Variants in FAM91A1 observed in about 807,000 individuals in gnomAD.
The protein encoded by FAM91A1 is protein FAM91A1.
Under a neutral mutation model 113.5 loss-of-function variants are expected in FAM91A1, and 41 were observed. The ratio of observed to expected loss-of-function variants is 0.36; its 90% CI spans 0.28 to 0.47. FAM91A1 has a LOEUF of 0.47. FAM91A1 is among the 20% of genes least tolerant of loss of function. FAM91A1 has a pLI of 1.00. For missense variants in FAM91A1, 696 were observed against 1,001.2 expected (o/e 0.70, Z 4.11); for synonymous variants, 307 against 347.9 (o/e 0.88, Z 1.31).
intron 22 of FAM91A1, 24 bp from the exon 23 acceptor site, chr8:123,810,256 CTG>C: frequency 6.3e-7 from 1 of 1,583,070 alleles, no homozygotes; most frequent in South Asian, 1.2e-5. Flanking sequence ...TTGTTTTAAA[CTG>C]TTTCTCGCCT....
At chr8:123,777,086 A>G (rs868071094) in intron 3 of FAM91A1, among the ~76,000 whole-genome samples, 179 bp from the exon 4 acceptor site, 26 of 152,310 alleles carry the variant, frequency 1.7e-4, no homozygotes, top group African/African-American at 5.3e-4. Flanking sequence ...TTTAATTACT[A>G]GGTTGGGAAC....
Position 123,768,508 on chromosome 8 carries a change from C to G in FAM91A1, c.-195C>G. 1 of 514,472 alleles carries G rather than the reference C, an allele frequency of 1.9e-6. No individual in the cohort carries two copies. Among genetic ancestry groups the G allele is most frequent in the Non-Finnish European group, 3.4e-6 (1 of 292,872 alleles). The allele number at this position is 514,472 out of a possible 1,614,324, so 31.9% of individuals were successfully genotyped here. ...GTTCAGGCGATCCAGCCTCCAATCG[C>G]TGCTGCTCTTGTACTCGGTTGGCCC... On this transcript the variant is annotated 5_prime_UTR_variant, in exon 1 of 24. Coordinates refer to ENST00000334705, the MANE Select transcript of FAM91A1 (RefSeq NM_144963.4).
At chr8:123,805,476 G>A in intron 19 of FAM91A1, 137 bp downstream of exon 19, 1 of 691,210 alleles carries the variant, frequency 1.4e-6, no homozygotes, top group Non-Finnish European at 2.4e-6. Context: ...AAGAGTGTTG[G>A]CAAAAGGTAG....
chr8:123,806,055 A>G (rs1388907054), intron 19 of FAM91A1, 25 bp from the exon 20 acceptor site: 2 of 1,518,632 alleles, frequency 1.3e-6, no homozygotes, highest in African/African-American at 1.4e-5. Context: ...ACTGTTCATT[A>G]ATGTGATGTC....
chr8:123,774,983 T>C (rs1302353756), intron 2 of FAM91A1, among the ~76,000 whole-genome samples, 164 bp from the exon 3 acceptor site: 1 of 152,214 alleles, frequency 6.6e-6, no homozygotes, highest in Non-Finnish European at 1.5e-5. Flanking sequence ...CTAAAATCTA[T>C]TTCATGTGAT....
intron 15 of FAM91A1, among the ~76,000 whole-genome samples, chr8:123,796,891 T>G (rs966215379): frequency 6.6e-6 from 1 of 151,014 alleles, no homozygotes; most frequent in Non-Finnish European, 1.5e-5. Flanking sequence ...GTGAAACCTG[T>G]CTCTACTAAA....
chr8:123,812,715 C>A lies in FAM91A1; in HGVS notation c.*11C>A. On this transcript the variant is annotated 3_prime_UTR_variant, in exon 24 of 24. Coordinates refer to ENST00000334705, the MANE Select transcript of FAM91A1 (RefSeq NM_144963.4). The stretch of plus-strand genomic sequence containing the variant: ...CTCCATTTGCAATAATTTGGTTACA[C>A]CATTTGTTGCTCACACTTTCTGCCT... 1 of 1,543,422 alleles carries A rather than the reference C, an allele frequency of 6.5e-7. No individual in the cohort carries two copies. Among genetic ancestry groups the A allele is most frequent in the Non-Finnish European group, 8.7e-7 (1 of 1,149,246 alleles).
At chr8:123,775,087 A>G (rs1814948655) in intron 2 of FAM91A1, 60 bp from the exon 3 acceptor site, 10 of 1,457,272 alleles carry the variant, frequency 6.9e-6, no homozygotes, top group Non-Finnish European at 9.2e-6. Context: ...AAGTGTTCAT[A>G]GTTAATATAT....
intron 16 of FAM91A1, among the ~76,000 whole-genome samples, 189 bp from the exon 17 acceptor site, chr8:123,799,331 C>T (rs1815619312): frequency 6.6e-6 from 1 of 152,144 alleles, no homozygotes; most frequent in South Asian, 2.1e-4. Context: ...CTCTTAATTG[C>T]AGTGACAAGA....
chr8:123,786,039 G>A (rs1372863124), intron 11 of FAM91A1: 3 of 408,190 alleles, frequency 7.3e-6, no homozygotes, highest in African/African-American at 2.1e-5. Flanking sequence ...GGCTGGTGTC[G>A]AACTCCTGGC....
chr8:123,804,191 T>TAA (rs1248050945), intron 18 of FAM91A1, among the ~76,000 whole-genome samples: 1 of 152,004 alleles, frequency 6.6e-6, no homozygotes, highest in Non-Finnish European at 1.5e-5. Context: ...AAAACGTTAT[T>TAA]AAAAGGTGTA....
intron 15 of FAM91A1, among the ~76,000 whole-genome samples, chr8:123,795,558 A>T (rs1283904103): frequency 6.6e-6 from 1 of 152,204 alleles, no homozygotes; most frequent in Admixed American, 6.5e-5. Flanking sequence ...TCAGAAGCAG[A>T]GGCCACTCTG....
chr8:123,785,718 T>C lies in FAM91A1; in HGVS notation c.939T>C (p.Asn313=). 1.2e-6 allele frequency: 2 copies of C among 1,608,170 alleles called. No homozygotes were observed. Among genetic ancestry groups the C allele is most frequent in the Non-Finnish European group, 1.7e-6 (2 of 1,178,050 alleles). Residue 313 remains asparagine (N), a synonymous_variant, in exon 11 of 24, where the codon AAT becomes AAC. Coordinates refer to ENST00000334705, the MANE Select transcript of FAM91A1 (RefSeq NM_144963.4). ...ATCAACTTCATTCATCATGGAAGAA[T>C]GTTCCATCCGTAAACAGATTAAAGT... ...NLDQLHSSWK[N]VPSVNRLKST... is the part of the protein sequence containing the mutation.
chr8:123,812,584 G>T lies in FAM91A1; in HGVS notation c.2397G>T (p.Ser799=). The change falls in exon 24 of 24, where the codon TCG becomes TCT. Residue 799 remains serine (S), a synonymous_variant. Coordinates refer to ENST00000334705, the MANE Select transcript of FAM91A1 (RefSeq NM_144963.4). The part of the protein sequence containing the change: ...PSFSSLLSQS[S]CADMGVPLPA... ...TTTCAAGTTTGCTTTCACAGTCATC[G>T]TGTGCTGACATGGGTGTTCCACTTC... 1.2e-6 allele frequency: 2 copies of T among 1,608,980 alleles called. No homozygotes were observed. Among genetic ancestry groups the T allele is most frequent in the Non-Finnish European group, 1.7e-6 (2 of 1,177,964 alleles).
chr8:123,803,286 C>T (rs976106906), intron 18 of FAM91A1, among the ~76,000 whole-genome samples: 10 of 148,474 alleles, frequency 6.7e-5, no homozygotes, highest in African/African-American at 2.3e-4. Context: ...GATAGAAAAA[C>T]AAATCAGCAG....
intron 8 of FAM91A1, among the ~76,000 whole-genome samples, chr8:123,783,647 A>G (rs887159861): frequency 6.6e-6 from 1 of 152,204 alleles, no homozygotes; most frequent in African/African-American, 2.4e-5. Context: ...AAATGCTACT[A>G]TGGCCTAGGC....
intron 23 of FAM91A1, 133 bp downstream of exon 23, chr8:123,810,484 C>T: frequency 1.1e-6 from 1 of 903,670 alleles, no homozygotes; most frequent in Non-Finnish European, 1.8e-6. Context: ...CAAATGAAGA[C>T]ATTGAGATTC....
At chr8:123,787,089 T>G (rs993349879) in intron 12 of FAM91A1, among the ~76,000 whole-genome samples, 172 bp from the exon 13 acceptor site, 1 of 152,192 alleles carries the variant, frequency 6.6e-6, no homozygotes, top group Non-Finnish European at 1.5e-5. Context: ...TTTTTAATAT[T>G]CTTTGCGCTT....
In FAM91A1 at chr8:123,812,734, T is replaced by G. The variant is rs1323531789; in HGVS notation, c.*30T>G. On this transcript the variant is annotated 3_prime_UTR_variant, in exon 24 of 24. Transcript: ENST00000334705. ...GTTACACCATTTGTTGCTCACACTT[T>G]CTGCCTTTTTTCTTTCTTAACGTTA... 7.4e-6 allele frequency: 11 copies of G among 1,494,712 alleles called. No homozygotes were observed. The highest frequency in any genetic ancestry group is 9.8e-6 in the Non-Finnish European group (11 of 1,124,426). 92.6% of individuals were successfully genotyped at this position (1,494,712 alleles called of 1,614,324 possible). A position where few individuals can be genotyped will look rare whatever the true frequency, so the allele number is the denominator to read the frequency against.
Sources: allele counts gnomAD v4.1 joint callset (sites outside exome capture counted in the v4.1 genomes callset), GRCh38; gene constraint gnomAD v4.1.1; transcripts MANE v1.5; gene names NCBI Gene and HGNC (gene_info 2026-07-23, HGNC 2026-07-21).